GSN: variants seen among roughly 807,000 people sequenced by gnomAD.
GSN encodes the protein actin-depolymerizing factor.
Under a neutral mutation model 85.7 loss-of-function variants are expected in GSN, and 56 were observed. That is an observed-to-expected ratio of 0.65 (90% CI 0.53 to 0.82). The LOEUF is 0.82. Ranked by LOEUF, GSN falls within the 40% of genes least tolerant of loss-of-function variation. The pLI, the probability that GSN is intolerant of heterozygous loss-of-function variation, is 0.00. For missense variants in GSN, 857 were observed against 979.8 expected (o/e 0.87, Z 1.67); for synonymous variants, 373 against 399.1 (o/e 0.93, Z 0.78).
chr9:121,291,636 T>G (rs2058704466), intron 2 of GSN, among the ~76,000 whole-genome samples: 1 of 152,036 alleles, frequency 6.6e-6, no homozygotes, highest in African/African-American at 2.4e-5. Context: ...GCCAGGCTGG[T>G]CTCGAACTCC....
intron 2 of GSN, chr9:121,282,167 G>A (rs747612525): frequency 2.0e-6 from 1 of 493,224 alleles, no homozygotes; most frequent in Non-Finnish European, 3.8e-6. Flanking sequence ...TGGAAGCCAG[G>A]AGACTGGCTC....
chr9:121,318,556 G>C lies in GSN; in HGVS notation c.975+62G>C. 6.7e-7 allele frequency: 1 copy of C among 1,490,732 alleles called. No individual in the cohort carries two copies. Among genetic ancestry groups the C allele is most frequent in the Non-Finnish European group, 9.4e-7 (1 of 1,067,458 alleles). The allele number at this position is 1,490,732 out of a possible 1,614,324, so 92.3% of individuals were successfully genotyped here. On this transcript the variant is annotated intron_variant, in intron 9 of 17. Coordinates refer to ENST00000432226, the MANE Select transcript of GSN (RefSeq NM_198252.3). The surrounding 1 kb of genome is among the most constrained non-coding windows in gnomAD (Gnocchi z 4.3). ...GGTCCTGTTTGGAGGGGATGGGCTGGAGTAGGGCGGGTGTCCCACCCTCAG... is the reference window on the plus strand; with the variant it reads ...GGTCCTGTTTGGAGGGGATGGGCTGCAGTAGGGCGGGTGTCCCACCCTCAG...
rs778466648 is a variant in GSN, at chr9:121,301,986, C to A, written c.15C>A (p.His5Gln). Residue 5 changes from histidine to glutamine, a missense_variant, in exon 3 of 18, where the codon CAC (histidine) becomes CAA (glutamine). Transcript: ENST00000432226. MVVE[H>Q]PEFLKAGKEP... ...AGCCCAACAGCATGGTGGTGGAACA[C>A]CCCGAGTTCCTCAAGGCAGGGAAGG... The A allele has an allele frequency of 2.5e-6, 4 of 1,614,202 alleles. No homozygotes were observed. Among genetic ancestry groups the A allele is most frequent in the Non-Finnish European group, 3.4e-6 (4 of 1,180,012 alleles).
chr9:121,267,600 G>T (rs916765906), upstream of GSN, among the ~76,000 whole-genome samples: 1 of 152,082 alleles, frequency 6.6e-6, no homozygotes, highest in Non-Finnish European at 1.5e-5. Context: ...ACTCCGAGGC[G>T]CCTGCTTAAT....
chr9:121,247,809 G>A (rs1275753566), intron 5 of GSN, among the ~76,000 whole-genome samples: 1 of 152,062 alleles, frequency 6.6e-6, no homozygotes, highest in African/African-American at 2.4e-5. Flanking sequence ...AGCCCTACTT[G>A]ACTCACGAGA....
At position 121,301,540 on chromosome 9, in the gene GSN, C is replaced by T. The variant is rs2059839976; in HGVS notation, c.-9-423C>T. On this transcript the variant is annotated intron_variant, in intron 2 of 17. Transcript: ENST00000432226. The stretch of plus-strand genomic sequence containing the variant: ...ACTCAGGAGGCTGAGGCAGGAGAAT[C>T]GCTTGAACCCAGGAGGCAGAGGTTA... Among the ~76,000 whole-genome samples, 5 of 150,266 alleles carry T rather than the reference C, an allele frequency of 3.3e-5. No individual in the cohort carries two copies. The South Asian group carries it at 1.0e-3, about 32-fold the overall frequency.
At chr9:121,287,101 C>G (rs1331403349) in intron 2 of GSN, among the ~76,000 whole-genome samples, 1 of 151,986 alleles carries the variant, frequency 6.6e-6, no homozygotes, top group Non-Finnish European at 1.5e-5. Context: ...TGTTCTCCCT[C>G]CCCTCCCTCT....
intron 1 of GSN, among the ~76,000 whole-genome samples, chr9:121,273,494 C>T (rs2056267289): frequency 6.6e-6 from 1 of 151,974 alleles, no homozygotes; most frequent in South Asian, 2.1e-4. Context: ...ATTTCTATTA[C>T]ACTTGTGATA....
At chr9:121,297,044 G>C (rs2059286509) in intron 2 of GSN, among the ~76,000 whole-genome samples, 1 of 152,254 alleles carries the variant, frequency 6.6e-6, no homozygotes, top group South Asian at 2.1e-4. Context: ...TCTGGAAGGG[G>C]CCCCTCAGCT....
upstream of GSN, among the ~76,000 whole-genome samples, chr9:121,206,877 C>G (rs1588390764): frequency 6.6e-6 from 1 of 152,142 alleles, no homozygotes; most frequent in Non-Finnish European, 1.5e-5. Flanking sequence ...AGCCTGGGAC[C>G]ACAGGCATGT....
At chr9:121,272,026 A>G (rs569058501) in intron 1 of GSN, among the ~76,000 whole-genome samples, 25 of 152,320 alleles carry the variant, frequency 1.6e-4, no homozygotes, top group Non-Finnish European at 2.8e-4. Context: ...GGGGTTATGC[A>G]TTTTGGGGAG....
chr9:121,309,445 G>A (rs1268609417), intron 4 of GSN: 1 of 152,204 alleles, frequency 6.6e-6, no homozygotes, highest in Non-Finnish European at 1.5e-5. Flanking sequence ...CTTACCCAAA[G>A]CCATCCAGCA....
chr9:121,222,894 T>TG (rs58009528), intron 4 of GSN: 9,519 of 150,298 alleles, frequency 0.063, 394 homozygotes, highest in Middle Eastern at 0.12. Flanking sequence ...ACCTTGGACT[T>TG]GGGGGGGGGT....
upstream of GSN, among the ~76,000 whole-genome samples, chr9:121,264,399 C>T (rs1310133314): frequency 6.6e-6 from 1 of 152,120 alleles, no homozygotes; most frequent in Non-Finnish European, 1.5e-5. Context: ...CTGCAGGAAG[C>T]CATGTTTGTG....
At chr9:121,310,152 G>A in intron 4 of GSN, 1 of 164,208 alleles carries the variant, frequency 6.1e-6, no homozygotes, top group Admixed American at 5.7e-5. Context: ...TAAAACAAAA[G>A]GCAAGCAGGT....
At chr9:121,253,582 G>A (rs1213303185) in intron 6 of GSN, among the ~76,000 whole-genome samples, 2 of 152,210 alleles carry the variant, frequency 1.3e-5, no homozygotes, top group African/African-American at 4.8e-5. Context: ...TATGGTATGA[G>A]TGGGCATCTC....
upstream of GSN, among the ~76,000 whole-genome samples, chr9:121,207,501 C>A (rs569274662): frequency 1.3e-5 from 2 of 152,286 alleles, no homozygotes; most frequent in Non-Finnish European, 2.9e-5. Context: ...TCCAAGCCTG[C>A]CCTACAAACA....
chr9:121,317,509 A>G (rs1589121023), intron 8 of GSN: 7 of 426,438 alleles, frequency 1.6e-5, no homozygotes, highest in South Asian at 6.5e-5. Context: ...GAAATTATGT[A>G]GAAAACATCT....
At chr9:121,321,886 C>T (rs1005081332) in intron 11 of GSN, among the ~76,000 whole-genome samples, 2 of 152,050 alleles carry the variant, frequency 1.3e-5, no homozygotes, top group Non-Finnish European at 2.9e-5. Flanking sequence ...GGATTACAGG[C>T]ACCCACCACC....
Sources: allele counts gnomAD v4.1 joint callset (sites outside exome capture counted in the v4.1 genomes callset), GRCh38; gene constraint gnomAD v4.1.1; non-coding constraint Gnocchi (gnomAD v3.1); transcripts MANE v1.5; gene names NCBI Gene and HGNC (gene_info 2026-07-23, HGNC 2026-07-21).